Variants in ASTN2 observed in about 807,000 individuals in gnomAD.
ASTN2 encodes the protein astrotactin 2, also known as astrotactin-2.
A neutral mutation model predicts 139.8 loss-of-function variants in ASTN2; 54 were observed. That is an observed-to-expected ratio of 0.39 (90% CI 0.31 to 0.48). The LOEUF is 0.48. Ranked by LOEUF, ASTN2 falls within the 20% of genes least tolerant of loss-of-function variation. The pLI is 0.95. For synonymous variants in ASTN2, 756 were observed against 719.5 expected (o/e 1.05, Z -0.81); for missense variants, 1,565 against 1,725.1 (o/e 0.91, Z 1.64).
chr9:116,869,346 G>T (rs1022960822), intron 10 of ASTN2, among the ~76,000 whole-genome samples: 3 of 152,170 alleles, frequency 2.0e-5, no homozygotes, highest in Admixed American at 2.0e-4. Flanking sequence ...CAAAATTCAT[G>T]CAATTCCACA....
intron 7 of ASTN2, among the ~76,000 whole-genome samples, chr9:116,981,306 T>C (rs1050159992): frequency 6.6e-6 from 1 of 152,184 alleles, no homozygotes; most frequent in African/African-American, 2.4e-5. Flanking sequence ...ACATATATCA[T>C]GATTACCATG....
chr9:117,045,846 G>A (rs1270740763), intron 5 of ASTN2, among the ~76,000 whole-genome samples: 2 of 152,086 alleles, frequency 1.3e-5, no homozygotes, highest in Non-Finnish European at 2.9e-5. Context: ...TCTTAGAGTG[G>A]CAAATGGTGT....
At position 116,423,873 on chromosome 9, in the gene ASTN2, A is replaced by T. The variant is rs1847243139; in HGVS notation, c.*1978T>A. Among the ~76,000 whole-genome samples the T allele has an allele frequency of 6.6e-6, 1 of 152,190 alleles. No individual in the cohort carries two copies. The highest frequency in any genetic ancestry group is 1.5e-5 in the Non-Finnish European group (1 of 68,034). Reference sequence around the variant, plus strand: ...TTGTCAATCTCATCAACATTTGCCAAATTGAGAAGTAGGCATGGTTTTTTT... The same window carrying T: ...TTGTCAATCTCATCAACATTTGCCATATTGAGAAGTAGGCATGGTTTTTTT... On this transcript the variant is annotated 3_prime_UTR_variant, in exon 23 of 23. Transcript: ENST00000313400.
chr9:117,331,646 G>A (rs1462525020), intron 1 of ASTN2, among the ~76,000 whole-genome samples: 3 of 152,124 alleles, frequency 2.0e-5, no homozygotes, highest in African/African-American at 7.2e-5. Context: ...GCCTATGGTG[G>A]GTGCTCTTGG....
At chr9:116,606,318 G>A (rs1855200862) in intron 19 of ASTN2, among the ~76,000 whole-genome samples, 2 of 152,190 alleles carry the variant, frequency 1.3e-5, no homozygotes, top group Non-Finnish European at 2.9e-5. Context: ...GGTGGGGGCA[G>A]GGGTAGGAGA....
At chr9:116,942,073 TGCAC>T (rs1278264733) in intron 10 of ASTN2, among the ~76,000 whole-genome samples, 6 of 90,920 alleles carry the variant, frequency 6.6e-5, no homozygotes, top group Non-Finnish European at 1.5e-4. Flanking sequence ...TGCATGCAAG[TGCAC>T]GTACGCACGC....
intron 2 of ASTN2, among the ~76,000 whole-genome samples, chr9:117,237,366 A>G (rs1167840628): frequency 6.6e-6 from 1 of 152,138 alleles, no homozygotes; most frequent in Non-Finnish European, 1.5e-5. Context: ...GGACCTCCCC[A>G]TGGTGGTAGC....
chr9:116,918,571 T>G (rs1010509704), intron 10 of ASTN2, among the ~76,000 whole-genome samples: 10 of 152,204 alleles, frequency 6.6e-5, no homozygotes, highest in Non-Finnish European at 1.0e-4. Context: ...TTTTTTCATA[T>G]TTTTTCATTT....
At chr9:117,364,944 C>A (rs1829793559) in intron 1 of ASTN2, among the ~76,000 whole-genome samples, 1 of 143,502 alleles carries the variant, frequency 7.0e-6, no homozygotes, top group Non-Finnish European at 1.5e-5. Context: ...GAGACTCCAT[C>A]TCTACAACAC....
intron 4 of ASTN2, among the ~76,000 whole-genome samples, chr9:117,131,502 T>A (rs1276184828): frequency 6.6e-6 from 1 of 152,216 alleles, no homozygotes; most frequent in East Asian, 1.9e-4. Flanking sequence ...AAAATTTGCA[T>A]CTGTAGAGAA....
At chr9:116,960,661 C>G (rs941339197) in intron 10 of ASTN2, among the ~76,000 whole-genome samples, 1 of 151,948 alleles carries the variant, frequency 6.6e-6, no homozygotes, top group East Asian at 1.9e-4. Context: ...GTTGTAACCC[C>G]CCAGAAATGT....
At chr9:116,521,658 T>G (rs1009900946) in intron 19 of ASTN2, among the ~76,000 whole-genome samples, 1 of 151,980 alleles carries the variant, frequency 6.6e-6, no homozygotes, top group African/African-American at 2.4e-5. Context: ...TAAATAGGAC[T>G]TACTTAAACT....
At chr9:116,843,272 T>G (rs982939498) in intron 11 of ASTN2, among the ~76,000 whole-genome samples, 3 of 152,182 alleles carry the variant, frequency 2.0e-5, no homozygotes, top group Non-Finnish European at 4.4e-5. Context: ...AAAAATCATG[T>G]CCTTTGCAGC....
In ASTN2 at chr9:116,753,764, C is replaced by T. The variant is rs187256498; in HGVS notation, c.2397-20241G>A. 2.6e-5 allele frequency among the ~76,000 whole-genome samples: 4 copies of T among 152,146 alleles called. No individual in the cohort carries two copies. The East Asian group carries it at 7.7e-4, about 29-fold the overall frequency. ...ACAAAGTGGGAGTGGACAAACTATA[C>T]ATCTCTAGGCAATCTGATGTCCACC... On this transcript the variant is annotated intron_variant, in intron 13 of 22. Coordinates refer to ENST00000313400, the MANE Select transcript of ASTN2 (RefSeq NM_001365068.1).
At chr9:117,144,538 T>G (rs185274971) in intron 3 of ASTN2, among the ~76,000 whole-genome samples, 214 of 151,946 alleles carry the variant, frequency 1.4e-3, no homozygotes, top group African/African-American at 5.0e-3. Context: ...GAATGATTGA[T>G]AAGGGAAAAG....
At chr9:117,180,692 G>A in intron 3 of ASTN2, 2 of 1,579,692 alleles carry the variant, frequency 1.3e-6, no homozygotes, top group Non-Finnish European at 1.7e-6. Flanking sequence ...GGGCAGCACA[G>A]TGGAAGCCCT....
At chr9:117,372,718 A>T (rs948532553) in intron 1 of ASTN2, among the ~76,000 whole-genome samples, 2 of 152,138 alleles carry the variant, frequency 1.3e-5, no homozygotes, top group Non-Finnish European at 2.9e-5. Flanking sequence ...AGATTTAAAA[A>T]TTTTTAAATA....
At chr9:116,670,113 T>A (rs1859104653) in intron 16 of ASTN2, among the ~76,000 whole-genome samples, 1 of 152,176 alleles carries the variant, frequency 6.6e-6, no homozygotes, top group Admixed American at 6.5e-5. Flanking sequence ...CCTGCACTAC[T>A]TCTCATAAAG....
chr9:117,351,115 G>A (rs776807320), intron 1 of ASTN2, among the ~76,000 whole-genome samples: 5 of 152,060 alleles, frequency 3.3e-5, no homozygotes, highest in Non-Finnish European at 7.4e-5. Context: ...AAAAGATATG[G>A]GCAACTGGGA....
Sources: gnomAD v4.1 joint callset for allele counts (sites outside exome capture counted in the v4.1 genomes callset) on GRCh38, gnomAD v4.1.1 for gene constraint, MANE v1.5 for transcripts, NCBI Gene and HGNC (gene_info 2026-07-23, HGNC 2026-07-21) for gene names.